Variants in ADAM28 observed in about 807,000 individuals in gnomAD.
ADAM28 encodes the protein disintegrin and metalloproteinase domain-containing protein 28.
Under a neutral mutation model 101.2 loss-of-function variants are expected in ADAM28, and 105 were observed. The ratio of observed to expected loss-of-function variants is 1.04; its 90% CI spans 0.89 to 1.22. The LOEUF (loss-of-function observed/expected upper bound fraction) is 1.22. Ranked by LOEUF, ADAM28 falls within the 50% of genes most tolerant of loss-of-function variation. ADAM28 has a pLI of 0.00. For missense variants in ADAM28, 1,028 were observed against 945.4 expected, an observed-to-expected ratio of 1.09 and a Z score of -1.15; for synonymous variants, 322 against 310.6, an observed-to-expected ratio of 1.04 and a Z score of -0.39.
intron 6 of ADAM28, among the ~76,000 whole-genome samples, chr8:24,315,356 A>G (rs1416303826): frequency 6.6e-6 from 1 of 152,012 alleles, no homozygotes; most frequent in Non-Finnish European, 1.5e-5. Context: ...CAGAAATGAA[A>G]AAAAGATCTT....
At position 24,356,724 on chromosome 8, in the gene ADAM28, A is replaced by G. The variant is rs1816711422; in HGVS notation, c.*2320A>G. On this transcript the variant is annotated 3_prime_UTR_variant, in exon 23 of 23. Transcript: ENST00000265769. ...TTAACTACCTCAGATATGCCACCAAACCTGTTTTCATCATTAGTTATTTTT... is the reference window on the plus strand; with the variant it reads ...TTAACTACCTCAGATATGCCACCAAGCCTGTTTTCATCATTAGTTATTTTT... The G allele has an allele frequency of 1.3e-5, 2 of 152,042 alleles. No homozygotes were observed. The highest frequency in any genetic ancestry group is 4.1e-4 in the South Asian group (2 of 4,824). The allele number at this position is 152,042 out of a possible 1,614,324, so 9.4% of individuals were successfully genotyped here. A position where few individuals can be genotyped will look rare whatever the true frequency, so the allele number is the denominator to read the frequency against.
intron 18 of ADAM28, among the ~76,000 whole-genome samples, chr8:24,349,374 T>A (rs1284608774): frequency 6.6e-6 from 1 of 152,240 alleles, no homozygotes; most frequent in Non-Finnish European, 1.5e-5. Context: ...TAACTTCCTG[T>A]CTAATTCCAG....
chr8:24,351,175 C>G (rs1379415575), intron 19 of ADAM28, 57 bp from the exon 20 acceptor site: 7 of 1,363,492 alleles, frequency 5.1e-6, no homozygotes, highest in Non-Finnish European at 6.9e-6. Context: ...ACGGAGTTTC[C>G]CTGTCATGCT....
At chr8:24,351,808 G>C (rs982308785) in intron 20 of ADAM28, among the ~76,000 whole-genome samples, 179 bp from the exon 21 acceptor site, 10 of 19,810 alleles carry the variant, frequency 5.0e-4, no homozygotes, top group Admixed American at 5.0e-3. Context: ...TTTCATTACA[G>C]CTCTGGGAAA....
intron 4 of ADAM28, 199 bp downstream of exon 4, chr8:24,310,440 C>A: frequency 4.1e-6 from 2 of 485,360 alleles, no homozygotes; most frequent in Non-Finnish European, 3.6e-6. Context: ...TTGGCAACTC[C>A]GGTAAGTTTT....
intron 9 of ADAM28, among the ~76,000 whole-genome samples, chr8:24,325,336 G>T (rs1812395790): frequency 6.6e-6 from 1 of 151,934 alleles, no homozygotes; most frequent in Admixed American, 6.6e-5. Flanking sequence ...GGAAATAGTT[G>T]TTCTTCCAGT....
intron 8 of ADAM28, among the ~76,000 whole-genome samples, chr8:24,322,020 TTTG>T (rs1172324307): frequency 2.2e-4 from 34 of 152,162 alleles, no homozygotes; most frequent in Non-Finnish European, 4.3e-4. Flanking sequence ...AAGATAATTT[TTTG>T]TTGTTGTACA....
intron 7 of ADAM28, among the ~76,000 whole-genome samples, chr8:24,320,678 G>A (rs1296942952): frequency 6.6e-6 from 1 of 151,898 alleles, no homozygotes; most frequent in East Asian, 1.9e-4. Context: ...AAGCTTAATT[G>A]GTCACAATGA....
intron 11 of ADAM28, among the ~76,000 whole-genome samples, chr8:24,330,864 C>T (rs1268544107): frequency 1.3e-5 from 2 of 152,120 alleles, no homozygotes. Flanking sequence ...ACCTTTAGGT[C>T]TTTACATCTC....
In ADAM28 at chr8:24,335,455, G is replaced by T. The variant is rs755343426; in HGVS notation, c.1381G>T (p.Ala461Ser). The T allele has an allele frequency of 6.2e-7, 1 of 1,610,956 alleles. No homozygotes were observed. Among genetic ancestry groups the T allele is most frequent in the South Asian group, 1.1e-5 (1 of 90,614 alleles). ...TTTTGTTTTTCTACAGTTTAAAAAG[G>T]CTGGGATGGTGTGCAGACCAGCAAA... is the stretch of plus-strand genomic sequence containing the variant. ...ECCEKCQFKK[A>S]GMVCRPAKDE... is the part of the protein sequence containing the mutation. The change falls in exon 14 of 23, where the codon GCT (alanine) becomes TCT (serine). Residue 461 changes from alanine (A) to serine (S), a missense_variant. Ala to Ser is a moderately conservative substitution (Grantham distance 99). Coordinates refer to ENST00000265769, the MANE Select transcript of ADAM28 (RefSeq NM_014265.6).
At position 24,358,660 on chromosome 8, in the gene ADAM28, T is replaced by C. The variant is rs1055307026; in HGVS notation, c.*4256T>C. On this transcript the variant is annotated 3_prime_UTR_variant, in exon 23 of 23. Transcript: ENST00000265769. Reference sequence around the variant, plus strand: ...ACAATGTTAGGCACTTTTTAGCAACTAGGCCTGGGTGGTCTGCTACAATGC... The same window carrying C: ...ACAATGTTAGGCACTTTTTAGCAACCAGGCCTGGGTGGTCTGCTACAATGC... 6.6e-6 allele frequency: 1 copy of C among 152,220 alleles called. No individual in the cohort carries two copies. Among genetic ancestry groups the C allele is most frequent in the Non-Finnish European group, 1.5e-5 (1 of 68,040 alleles). The allele number at this position is 152,220 out of a possible 1,614,324, so 9.4% of individuals were successfully genotyped here. A position where few individuals can be genotyped will look rare whatever the true frequency, so the allele number is the denominator to read the frequency against.
Position 24,300,017 on chromosome 8 carries a change from G to A in ADAM28, c.90G>A (p.Val30=). 6.2e-7 allele frequency: 1 copy of A among 1,613,526 alleles called. No homozygotes were observed. Among genetic ancestry groups the A allele is most frequent in the Non-Finnish European group, 8.5e-7 (1 of 1,179,966 alleles). The change falls in exon 2 of 23, where the codon GTG becomes GTA. Residue 30 remains valine (V), a synonymous_variant. Transcript: ENST00000265769. ...KELPGVKKYE[V]VYPIRLHPLH... ...TCCCTGGGGTGAAGAAGTATGAAGT[G>A]GTTTATCCTATAAGACTTCATCCAC...
chr8:24,331,870 A>T (rs566097599), intron 12 of ADAM28, among the ~76,000 whole-genome samples: 1 of 152,284 alleles, frequency 6.6e-6, no homozygotes, highest in East Asian at 1.9e-4. Flanking sequence ...TTCACAGGGC[A>T]GCTGGGATTT....
chr8:24,355,886 A>T lies in ADAM28; in HGVS notation c.*1482A>T, dbSNP rs540786931. ...AAAGTAGCTGTTTCCATAATCAGGGAACATGCTTTAGTTCATCATCACAGC... is the reference window on the plus strand; with the variant it reads ...AAAGTAGCTGTTTCCATAATCAGGGTACATGCTTTAGTTCATCATCACAGC... On this transcript the variant is annotated 3_prime_UTR_variant, in exon 23 of 23. Transcript: ENST00000265769. 7 of 152,270 alleles carry T rather than the reference A, an allele frequency of 4.6e-5. No individual in the cohort carries two copies. In the South Asian group the frequency reaches 1.5e-3, roughly 32 times the overall value. 9.4% of individuals were successfully genotyped at this position (152,270 alleles called of 1,614,324 possible). A position where few individuals can be genotyped will look rare whatever the true frequency, so the allele number is the denominator to read the frequency against.
At chr8:24,351,746 A>AAAACATTGGTAATCATTT (rs1816172487) in intron 20 of ADAM28, among the ~76,000 whole-genome samples, 1 of 25,552 alleles carries the variant, frequency 3.9e-5, no homozygotes, top group Admixed American at 4.4e-4. Flanking sequence ...GAAGTTGGTT[A>AAAACATTGGTAATCATTT]ATAACATTGG....
At position 24,311,229 on chromosome 8, in the gene ADAM28, C is replaced by G. The variant is rs544561806; in HGVS notation, c.307-132C>G. 5.6e-5 allele frequency: 33 copies of G among 585,722 alleles called. No homozygotes were observed. The South Asian group carries it at 9.6e-4, about 17-fold the overall frequency. The allele number at this position is 585,722 out of a possible 1,614,324, so 36.3% of individuals were successfully genotyped here. A position where few individuals can be genotyped will look rare whatever the true frequency, so the allele number is the denominator to read the frequency against. On this transcript the variant is annotated intron_variant, in intron 4 of 22. Coordinates refer to ENST00000265769, the MANE Select transcript of ADAM28 (RefSeq NM_014265.6). The stretch of plus-strand genomic sequence containing the variant: ...AAGATTTTAATTATTTTTTAAACAT[C>G]TTAGTTTACTGTTGTACAGCAGAAT...
intron 15 of ADAM28, chr8:24,341,389 G>C (rs1049920113): frequency 4.0e-6 from 2 of 495,066 alleles, no homozygotes; most frequent in African/African-American, 4.0e-5. Context: ...GGTGTACAGG[G>C]ATCTAGGTAA....
chr8:24,339,506 A>G lies in ADAM28; in HGVS notation c.1608A>G (p.Glu536=). The G allele has an allele frequency of 6.2e-7, 1 of 1,613,502 alleles. No homozygotes were observed. The highest frequency in any genetic ancestry group is 8.5e-7 in the Non-Finnish European group (1 of 1,179,686). The change falls in exon 15 of 23, where the codon GAA becomes GAG. Residue 536 remains glutamate (E), a synonymous_variant. Transcript: ENST00000265769. The stretch of plus-strand genomic sequence containing the variant: ...ATAAGTCATGTTACAACAGGAATGA[A>G]GGTGGGTCAAAGTACGGGTACTGTC... ...VADKSCYNRN[E]GGSKYGYCRR... is the part of the protein sequence containing the mutation.
chr8:24,342,936 A>G (rs1268355004), intron 16 of ADAM28, 165 bp from the exon 17 acceptor site: 5 of 1,323,578 alleles, frequency 3.8e-6, no homozygotes, highest in Non-Finnish European at 4.0e-6. Context: ...GGTTTAACTA[A>G]GAGGATAATG....
Sources: allele counts gnomAD v4.1 joint callset (sites outside exome capture counted in the v4.1 genomes callset), GRCh38; gene constraint gnomAD v4.1.1; transcripts MANE v1.5; gene names NCBI Gene and HGNC (gene_info 2026-07-23, HGNC 2026-07-21).